Variants in SEPTIN8 observed in about 807,000 individuals in gnomAD.
SEPTIN8 encodes septin-8.
Under a neutral mutation model 53.1 loss-of-function variants are expected in SEPTIN8, and 22 were observed. The ratio of observed to expected loss-of-function variants is 0.41; its 90% CI spans 0.30 to 0.59. The LOEUF (loss-of-function observed/expected upper bound fraction) is 0.59, where lower values mean the gene tolerates loss of function less well. SEPTIN8 is among the 20% of genes least tolerant of loss of function. The probability of loss-of-function intolerance (pLI) is 0.24; values close to 1 mark genes in which losing one functional copy is unlikely to be tolerated. For missense variants in SEPTIN8, 536 were observed against 638.7 expected, an observed-to-expected ratio of 0.84 and a Z score of 1.73; for synonymous variants, 228 against 248.4, an observed-to-expected ratio of 0.92 and a Z score of 0.77.
intron 9 of SEPTIN8, chr5:132,758,547 G>A (rs373829311): frequency 6.2e-7 from 1 of 1,613,498 alleles, no homozygotes; most frequent in South Asian, 1.1e-5. Flanking sequence ...TGGAAGACCA[G>A]CCACTGGCTC....
intron 1 of SEPTIN8, among the ~76,000 whole-genome samples, chr5:132,775,550 T>A (rs186098583): frequency 4.5e-4 from 68 of 152,306 alleles, no homozygotes; most frequent in Admixed American, 1.6e-3. Flanking sequence ...CAAGGTCACA[T>A]GGCCAACAAG....
rs62385314 is a variant in SEPTIN8, at chr5:132,767,403, T to C, written c.31-1874A>G. ...CCCCTCGGCTCTACAGCTACTCTAC[T>C]TTTCCCTTGGCACCCACTCTCACCT... On this transcript the variant is annotated intron_variant, in intron 1 of 9. Transcript: ENST00000378719. 3.4e-3 allele frequency among the ~76,000 whole-genome samples: 516 copies of C among 152,186 alleles called. 2 individuals carry two copies. The highest frequency in any genetic ancestry group is 5.6e-3 in the Non-Finnish European group (379 of 67,998).
upstream of SEPTIN8, chr5:132,777,423 G>A (rs992851349): frequency 6.0e-6 from 6 of 997,802 alleles, no homozygotes; most frequent in Non-Finnish European, 7.2e-6. The surrounding 1 kb of genome is among the most constrained non-coding windows in gnomAD (Gnocchi z 4.1). Flanking sequence ...GCCAGCTGCG[G>A]GGACTGCTGG....
chr5:132,765,313 G>A, intron 2 of SEPTIN8, 96 bp downstream of exon 2: 29 of 1,453,672 alleles, frequency 2.0e-5, no homozygotes, highest in Non-Finnish European at 2.7e-5. Flanking sequence ...ACTCTGCCTG[G>A]GAAGCCCCCT....
chr5:132,757,177 T>C (rs1755420185), intron 9 of SEPTIN8: 2 of 975,408 alleles, frequency 2.1e-6, no homozygotes, highest in African/African-American at 3.5e-5. Context: ...TATATTAACA[T>C]TGTTTTTCTT....
Position 132,760,674 on chromosome 5 carries a change from G to A in SEPTIN8, c.1286+128C>T. 1.1e-6 allele frequency: 1 copy of A among 897,146 alleles called. No homozygotes were observed. Among genetic ancestry groups the A allele is most frequent in the South Asian group, 1.6e-5 (1 of 61,010 alleles). The allele number at this position is 897,146 out of a possible 1,614,324, so 55.6% of individuals were successfully genotyped here. On this transcript the variant is annotated intron_variant, in intron 9 of 9. Coordinates refer to ENST00000378719, the MANE Select transcript of SEPTIN8 (RefSeq NM_001098811.2). The surrounding 1 kb of genome is among the most constrained non-coding windows in gnomAD (Gnocchi z 5.2). ...CTGGGGGGAGAGCCACTGAAGATGA[G>A]GGAAAACCAAACAGGAAAGGGGTAA... is the stretch of plus-strand genomic sequence containing the variant.
At chr5:132,770,849 T>C (rs1757252939) in intron 1 of SEPTIN8, among the ~76,000 whole-genome samples, 3 of 151,970 alleles carry the variant, frequency 2.0e-5, no homozygotes, top group African/African-American at 7.3e-5. Context: ...ATAGAGGGAG[T>C]TGGCAGCTCT....
Position 132,777,096 on chromosome 5 carries a change from C to A in SEPTIN8, c.30+12G>T, listed in dbSNP as rs1294076537. 9.0e-7 allele frequency: 1 copy of A among 1,106,418 alleles called. No homozygotes were observed. The highest frequency in any genetic ancestry group is 1.1e-6 in the Non-Finnish European group (1 of 908,956). The allele number at this position is 1,106,418 out of a possible 1,614,324, so 68.5% of individuals were successfully genotyped here. On this transcript the variant is annotated intron_variant, in intron 1 of 9. Coordinates refer to ENST00000378719, the MANE Select transcript of SEPTIN8 (RefSeq NM_001098811.2). The surrounding 1 kb of genome is among the most constrained non-coding windows in gnomAD (Gnocchi z 4.1). ...GCCTCCCGCGCGCGCCGTGGCCCAG[C>A]GGGGCCCTCACCGAGAAGCGCTCCA...
At chr5:132,752,238 C>T in intron 9 of SEPTIN8, 57 bp from the exon 10 acceptor site, 1 of 1,530,242 alleles carries the variant, frequency 6.5e-7, no homozygotes, top group Non-Finnish European at 8.8e-7. Flanking sequence ...TGTGTTTTGC[C>T]CCTTTAGCTG....
At chr5:132,768,879 A>G (rs1162026600) in intron 1 of SEPTIN8, among the ~76,000 whole-genome samples, 1 of 152,192 alleles carries the variant, frequency 6.6e-6, no homozygotes, top group East Asian at 1.9e-4. Flanking sequence ...CCCCCTGGCC[A>G]TATCCTCTTT....
Position 132,772,537 on chromosome 5 carries a change from C to A in SEPTIN8, c.30+4571G>T, listed in dbSNP as rs539847576. 3.0e-4 allele frequency among the ~76,000 whole-genome samples: 45 copies of A among 152,268 alleles called. No individual in the cohort carries two copies. In the South Asian group the frequency reaches 7.7e-3, roughly 26 times the overall value. ...CACTGCCTTGTAACAGGGAAAGCCA[C>A]GAGTGGTCTGGGTATCACTGGCAGG... On this transcript the variant is annotated intron_variant, in intron 1 of 9. Coordinates refer to ENST00000378719, the MANE Select transcript of SEPTIN8 (RefSeq NM_001098811.2).
At chr5:132,756,309 G>A (rs1755335915) in intron 9 of SEPTIN8, 2 of 983,166 alleles carry the variant, frequency 2.0e-6, no homozygotes, top group Admixed American at 6.2e-5. Context: ...GACAGGTCTG[G>A]TTTATGCCTT....
At position 132,776,108 on chromosome 5, in the gene SEPTIN8, C is replaced by G. The variant is rs1485625442; in HGVS notation, c.30+1000G>C. 1 of 152,654 alleles carries G rather than the reference C, an allele frequency of 6.6e-6. No homozygotes were observed. The highest frequency in any genetic ancestry group is 1.5e-5 in the Non-Finnish European group (1 of 68,240). The allele number at this position is 152,654 out of a possible 1,614,324, so 9.5% of individuals were successfully genotyped here. A position where few individuals can be genotyped will look rare whatever the true frequency, so the allele number is the denominator to read the frequency against. ...TTTAGCCCCAGAACCAATTCGTTATCGTTCACATATTCAGAATTCCCCCTT... is the reference window on the plus strand; with the variant it reads ...TTTAGCCCCAGAACCAATTCGTTATGGTTCACATATTCAGAATTCCCCCTT... On this transcript the variant is annotated intron_variant, in intron 1 of 9. Coordinates refer to ENST00000378719, the MANE Select transcript of SEPTIN8 (RefSeq NM_001098811.2). This position sits in a 1 kb window ranked among gnomAD's most constrained non-coding sequence, Gnocchi z 4.4.
intron 9 of SEPTIN8, among the ~76,000 whole-genome samples, chr5:132,752,433 A>C (rs892715689): frequency 6.6e-6 from 1 of 152,100 alleles, no homozygotes; most frequent in African/African-American, 2.4e-5. Context: ...GAGTGAGAGA[A>C]TCTTTATCTC....
Position 132,751,069 on chromosome 5 carries a change from G to A in SEPTIN8, c.*947C>T. 1 of 1,565,750 alleles carries A rather than the reference G, an allele frequency of 6.4e-7. No homozygotes were observed. The highest frequency in any genetic ancestry group is 1.2e-5 in the South Asian group (1 of 84,974). The stretch of plus-strand genomic sequence containing the variant: ...CTTTGGAACAGCTGTTTACAACATG[G>A]GATGGCAAAGCACAGGCGTGCACAC... On this transcript the variant is annotated 3_prime_UTR_variant, in exon 10 of 10. Coordinates refer to ENST00000378719, the MANE Select transcript of SEPTIN8 (RefSeq NM_001098811.2).
intron 9 of SEPTIN8, chr5:132,758,887 A>G (rs1755611433): frequency 6.7e-7 from 1 of 1,492,374 alleles, no homozygotes; most frequent in Middle Eastern, 1.7e-4. Flanking sequence ...TGCAGACCAA[A>G]TCAAACAGAA....
rs186796869 is a variant in SEPTIN8, at chr5:132,760,876, C to T, written c.1212G>A (p.Ala404=). Residue 404 remains alanine, a synonymous_variant, in exon 9 of 10, where the codon GCG becomes GCA. Coordinates refer to ENST00000378719, the MANE Select transcript of SEPTIN8 (RefSeq NM_001098811.2). This position sits in a 1 kb window ranked among gnomAD's most constrained non-coding sequence, Gnocchi z 5.2. The part of the protein sequence containing the change: ...ETNAFNRRKA[A]VEALQSQALH... ...AGGCCTGCGACTGCAGGGCCTCCAC[C>T]GCAGCCTTCCGGCGATTGAAGGCGT... The T allele has an allele frequency of 7.5e-4, 1,216 of 1,612,824 alleles. 8 individuals carry two copies. Among genetic ancestry groups the T allele is most frequent in the African/African-American group, 4.6e-3 (345 of 74,958 alleles).
intron 1 of SEPTIN8, among the ~76,000 whole-genome samples, chr5:132,767,627 C>A (rs1358201777): frequency 2.0e-5 from 3 of 152,100 alleles, no homozygotes; most frequent in Non-Finnish European, 4.4e-5. Flanking sequence ...GACAATGCTA[C>A]CATTTATAAG....
In SEPTIN8 at chr5:132,757,851, C is replaced by T. The variant is rs1219226842; in HGVS notation, c.1286+2951G>A. The T allele has an allele frequency of 1.3e-5, 13 of 985,414 alleles. No homozygotes were observed. In the South Asian group the frequency reaches 5.6e-4, roughly 43 times the overall value. The allele number at this position is 985,414 out of a possible 1,614,324, so 61.0% of individuals were successfully genotyped here. ...TCCCTAATTGTCTATATACATCAGA[C>T]ACCTTCATCTCTTCACCCTGTGACC... On this transcript the variant is annotated intron_variant, in intron 9 of 9. Transcript: ENST00000378719.
Sources: allele counts gnomAD v4.1 joint callset (sites outside exome capture counted in the v4.1 genomes callset), GRCh38; gene constraint gnomAD v4.1.1; non-coding constraint Gnocchi (gnomAD v3.1); transcripts MANE v1.5; gene names NCBI Gene and HGNC (gene_info 2026-07-23, HGNC 2026-07-21).